The following SPATS2L variants were observed in gnomAD, a reference collection of about 807,000 sequenced individuals.
The protein encoded by SPATS2L is SPATS2-like protein.
Under a neutral mutation model 59.6 loss-of-function variants are expected in SPATS2L, and 30 were observed. The observed-to-expected ratio is 0.50, with a 90% CI of 0.38 to 0.68. The LOEUF is 0.68. Among genes scored for constraint, SPATS2L ranks in the 30% least tolerant of loss-of-function variants. The probability of loss-of-function intolerance (pLI) is 0.00; values close to 1 mark genes in which losing one functional copy is unlikely to be tolerated. For synonymous variants in SPATS2L, 252 were observed against 263.5 expected (o/e 0.96, Z 0.42); for missense variants, 615 against 700.0 (o/e 0.88, Z 1.37).
At chr2:200,369,504 C>T (rs1311049856) in intron 2 of SPATS2L, among the ~76,000 whole-genome samples, 5 of 151,804 alleles carry the variant, frequency 3.3e-5, no homozygotes, top group Admixed American at 3.3e-4. Context: ...AGGCCAATAA[C>T]CAAGAACAAA....
At chr2:200,408,709 G>A (rs982977249) in intron 3 of SPATS2L, among the ~76,000 whole-genome samples, 8 of 152,200 alleles carry the variant, frequency 5.3e-5, no homozygotes, top group Admixed American at 2.6e-4. Context: ...ACCAAACAAC[G>A]TCCATGAAAG....
Position 200,478,496 on chromosome 2 carries a change from T to C in SPATS2L, c.*465T>C, listed in dbSNP as rs2087697500. 1 of 152,976 alleles carries C rather than the reference T, an allele frequency of 6.5e-6. No individual in the cohort carries two copies. The highest frequency in any genetic ancestry group is 1.5e-5 in the Non-Finnish European group (1 of 68,278). 9.5% of individuals were successfully genotyped at this position (152,976 alleles called of 1,614,324 possible). A position where few individuals can be genotyped will look rare whatever the true frequency, so the allele number is the denominator to read the frequency against. On this transcript the variant is annotated 3_prime_UTR_variant, in exon 13 of 13. Transcript: ENST00000409140. ...GAAAAAATATATATACATATATTGC[T>C]TTATTTGAAACAAATTAAAATATGC...
intron 3 of SPATS2L, among the ~76,000 whole-genome samples, chr2:200,404,741 G>A (rs543602275): frequency 1.4e-4 from 22 of 152,152 alleles, no homozygotes; most frequent in Non-Finnish European, 2.5e-4. Context: ...AAGTCCGAAT[G>A]GGTCTCATTG....
chr2:200,438,785 G>T (rs1056080730), intron 6 of SPATS2L, among the ~76,000 whole-genome samples: 2 of 152,068 alleles, frequency 1.3e-5, no homozygotes, highest in Non-Finnish European at 2.9e-5. Flanking sequence ...TGGAATAGCA[G>T]GGGGGAAAAG....
intron 3 of SPATS2L, among the ~76,000 whole-genome samples, chr2:200,398,724 G>A (rs1013577760): frequency 6.6e-6 from 1 of 152,100 alleles, no homozygotes; most frequent in Non-Finnish European, 1.5e-5. Flanking sequence ...ATGAACCTGT[G>A]GTCTTTCCCA....
chr2:200,306,196 G>A (rs1396654423), upstream of SPATS2L: 1 of 1,001,470 alleles, frequency 1.0e-6, no homozygotes, highest in African/African-American at 1.7e-5. Context: ...CTTACATTTT[G>A]AGCTTGGATC....
chr2:200,315,394 G>A (rs1459705496), intron 1 of SPATS2L, among the ~76,000 whole-genome samples: 1 of 152,164 alleles, frequency 6.6e-6, no homozygotes, highest in East Asian at 1.9e-4. Context: ...GTAGAGGAAG[G>A]ATTTGAGGTA....
intron 6 of SPATS2L, among the ~76,000 whole-genome samples, chr2:200,422,101 T>A (rs943228159): frequency 6.6e-6 from 1 of 152,228 alleles, no homozygotes; most frequent in Non-Finnish European, 1.5e-5. Context: ...CATGAAACTT[T>A]CTGTGAAGAA....
chr2:200,306,724 G>C lies in SPATS2L; in HGVS notation c.-271G>C. On this transcript the variant is annotated 5_prime_UTR_variant, in exon 1 of 13. Transcript: ENST00000409140. ...GTCAGTGAAGGAATCCAGTCCGGGG[G>C]CCGAGCTGGCTGCGCCCTCCGCTGC... is the stretch of plus-strand genomic sequence containing the variant. 1 of 973,566 alleles carries C rather than the reference G, an allele frequency of 1.0e-6. No homozygotes were observed. Among genetic ancestry groups the C allele is most frequent in the Non-Finnish European group, 1.2e-6 (1 of 825,486 alleles). The allele number at this position is 973,566 out of a possible 1,614,324, so 60.3% of individuals were successfully genotyped here. A position where few individuals can be genotyped will look rare whatever the true frequency, so the allele number is the denominator to read the frequency against.
chr2:200,312,375 T>G (rs1394013461), intron 1 of SPATS2L, among the ~76,000 whole-genome samples: 2 of 152,220 alleles, frequency 1.3e-5, no homozygotes, highest in Non-Finnish European at 2.9e-5. Flanking sequence ...CACACTGTTA[T>G]ATAGAACCCT....
chr2:200,472,932 T>C lies in SPATS2L; in HGVS notation c.1161T>C (p.Phe387=). Residue 387 remains phenylalanine (F), a synonymous_variant, in exon 12 of 13, where the codon TTT becomes TTC. Transcript: ENST00000409140. ...CAACCTCTGGGAAACAGAGTAACTT[T>C]TCCCGAAAATCATCCACTCACAATA... ...HAATSGKQSN[F]SRKSSTHNKP... 6.2e-7 allele frequency: 1 copy of C among 1,613,814 alleles called. No individual in the cohort carries two copies. The highest frequency in any genetic ancestry group is 8.5e-7 in the Non-Finnish European group (1 of 1,179,870).
intron 5 of SPATS2L, among the ~76,000 whole-genome samples, chr2:200,417,411 G>A (rs1446906346): frequency 6.6e-6 from 1 of 151,704 alleles, no homozygotes; most frequent in Non-Finnish European, 1.5e-5. Context: ...TTTAATCATA[G>A]CTTCCCAGGC....
At chr2:200,400,035 A>G (rs2082475862) in intron 3 of SPATS2L, among the ~76,000 whole-genome samples, 1 of 152,226 alleles carries the variant, frequency 6.6e-6, no homozygotes, top group Admixed American at 6.5e-5. Flanking sequence ...TTTAAATTGC[A>G]AAGAAAATGA....
At chr2:200,306,398 G>A, upstream of SPATS2L, 1 of 1,002,256 alleles carries the variant, frequency 1.0e-6, no homozygotes, top group Non-Finnish European at 1.2e-6. Context: ...CGAGGAAGTC[G>A]GTCTGGAGCA....
chr2:200,381,945 A>T (rs981763390), intron 2 of SPATS2L, among the ~76,000 whole-genome samples: 1 of 152,190 alleles, frequency 6.6e-6, no homozygotes, highest in Non-Finnish European at 1.5e-5. Flanking sequence ...TCACAGAGCC[A>T]CTGGGCTGCA....
At chr2:200,477,287 G>A (rs1166442351) in intron 12 of SPATS2L, among the ~76,000 whole-genome samples, 1 of 151,998 alleles carries the variant, frequency 6.6e-6, no homozygotes, top group South Asian at 2.1e-4. Context: ...CCATAGTAGA[G>A]GATCATCATT....
At chr2:200,419,004 T>G (rs2083193674) in intron 5 of SPATS2L, among the ~76,000 whole-genome samples, 2 of 152,188 alleles carry the variant, frequency 1.3e-5, no homozygotes, top group South Asian at 4.1e-4. Context: ...CTTGTTGTTT[T>G]TTTCTTCCTT....
intron 1 of SPATS2L, among the ~76,000 whole-genome samples, chr2:200,312,630 A>G (rs563839344): frequency 7.9e-5 from 12 of 152,318 alleles, no homozygotes; most frequent in Non-Finnish European, 1.3e-4. Context: ...ACATGCTCCT[A>G]TTACTCCAGT....
chr2:200,421,375 C>G (rs150890072), intron 6 of SPATS2L, among the ~76,000 whole-genome samples: 11 of 152,198 alleles, frequency 7.2e-5, no homozygotes, highest in Non-Finnish European at 1.5e-4. Flanking sequence ...TGACACACTG[C>G]TATTCTCTGA....
Sources: gnomAD v4.1 joint callset for allele counts (sites outside exome capture counted in the v4.1 genomes callset) on GRCh38, gnomAD v4.1.1 for gene constraint, MANE v1.5 for transcripts, NCBI Gene and HGNC (gene_info 2026-07-23, HGNC 2026-07-21) for gene names.